Variants in SRBD1 observed in about 807,000 individuals in gnomAD.
SRBD1 encodes S1 RNA-binding domain-containing protein 1.
Under a neutral mutation model 115.3 loss-of-function variants are expected in SRBD1, and 88 were observed. The observed-to-expected ratio is 0.76, with a 90% CI of 0.64 to 0.91. SRBD1 has a LOEUF of 0.91. Ranked by LOEUF, SRBD1 falls within the 40% of genes least tolerant of loss-of-function variation. The probability of loss-of-function intolerance (pLI) is 0.00; values close to 1 mark genes in which losing one functional copy is unlikely to be tolerated. For synonymous variants in SRBD1, 509 were observed against 407.7 expected (o/e 1.25, Z -2.99); for missense variants, 1,385 against 1,177.4 (o/e 1.18, Z -2.58).
At chr2:45,477,623 C>T (rs965370339) in intron 15 of SRBD1, among the ~76,000 whole-genome samples, 1 of 152,136 alleles carries the variant, frequency 6.6e-6, no homozygotes, top group East Asian at 1.9e-4. Flanking sequence ...CATCTCAGTT[C>T]ACTGCAGCTT....
intron 1 of SRBD1, among the ~76,000 whole-genome samples, chr2:45,608,801 G>A (rs1172441992): frequency 6.6e-6 from 1 of 151,268 alleles, no homozygotes; most frequent in Non-Finnish European, 1.5e-5. Context: ...TATTTGCTAA[G>A]CCAGAACCTT....
Position 45,389,081 on chromosome 2 carries a change from A to G in SRBD1, c.*229T>C, listed in dbSNP as rs986709383. ...TTTAGTCAGAAAACTATTACTACAT[A>G]AAGCCATATAAGAATGTGTATTAGT... On this transcript the variant is annotated 3_prime_UTR_variant, in exon 21 of 21. Transcript: ENST00000263736. The G allele has an allele frequency of 1.4e-4, 70 of 509,558 alleles. No homozygotes were observed. Among genetic ancestry groups the G allele is most frequent in the Admixed American group, 3.3e-4 (9 of 27,582 alleles). 31.6% of individuals were successfully genotyped at this position (509,558 alleles called of 1,614,324 possible).
chr2:45,580,403 T>C (rs1673315602), intron 6 of SRBD1, among the ~76,000 whole-genome samples: 1 of 152,000 alleles, frequency 6.6e-6, no homozygotes, highest in Admixed American at 6.6e-5. Flanking sequence ...CTGAGTGCAG[T>C]GGCGCGATCT....
chr2:45,537,343 T>A (rs1400284173), intron 14 of SRBD1, among the ~76,000 whole-genome samples: 1 of 152,204 alleles, frequency 6.6e-6, no homozygotes, highest in African/African-American at 2.4e-5. Context: ...TACAGAATTT[T>A]TCACCAACTG....
At chr2:45,608,826 T>C (rs895306023) in intron 1 of SRBD1, among the ~76,000 whole-genome samples, 1 of 151,908 alleles carries the variant, frequency 6.6e-6, no homozygotes, top group Non-Finnish European at 1.5e-5. Flanking sequence ...AAAAAAATTT[T>C]TTTTTTTTTT....
rs1212640379 is a variant in SRBD1, at chr2:45,413,285, G to T, written c.2342C>A (p.Thr781Asn). The T allele has an allele frequency of 1.2e-6, 2 of 1,612,728 alleles. No homozygotes were observed. Among genetic ancestry groups the T allele is most frequent in the East Asian group, 2.2e-5 (1 of 44,820 alleles). The change falls in exon 19 of 21, where the codon ACT becomes AAT. Residue 781 changes from threonine to asparagine, a missense_variant. By Grantham distance (65) the Thr-to-Asn change is moderately conservative. Coordinates refer to ENST00000263736, the MANE Select transcript of SRBD1 (RefSeq NM_018079.5). ...TCCTTGAATTTGGCCTGAAGTTTCAGTTTGCTGACTATATAAAACCAGAAA... is the reference window on the plus strand; with the variant it reads ...TCCTTGAATTTGGCCTGAAGTTTCATTTTGCTGACTATATAAAACCAGAAA... ...DYIRTFCSQQ[T>N]ETSGQIQGVA... is the part of the protein sequence containing the mutation.
chr2:45,588,857 T>C (rs1673629795), intron 4 of SRBD1, among the ~76,000 whole-genome samples: 1 of 152,210 alleles, frequency 6.6e-6, no homozygotes, highest in Admixed American at 6.5e-5. Context: ...TGACCAAAAA[T>C]TTCCTGTTAC....
chr2:45,512,079 G>A (rs1670988442), intron 14 of SRBD1, among the ~76,000 whole-genome samples: 1 of 152,176 alleles, frequency 6.6e-6, no homozygotes, highest in Non-Finnish European at 1.5e-5. Context: ...CATAGTTAAT[G>A]CAATACACAT....
intron 9 of SRBD1, among the ~76,000 whole-genome samples, chr2:45,571,146 G>C (rs1672993479): frequency 6.6e-6 from 1 of 152,138 alleles, no homozygotes; most frequent in South Asian, 2.1e-4. Flanking sequence ...CAAACAGGAA[G>C]AAAAGGCTAC....
intron 3 of SRBD1, among the ~76,000 whole-genome samples, chr2:45,601,218 T>C (rs1674081236): frequency 6.6e-6 from 1 of 152,240 alleles, no homozygotes; most frequent in South Asian, 2.1e-4. Flanking sequence ...CTCAAACGAA[T>C]GGATTTATCT....
intron 7 of SRBD1, among the ~76,000 whole-genome samples, chr2:45,576,840 G>T (rs1484868479): frequency 2.0e-5 from 3 of 152,150 alleles, no homozygotes; most frequent in Non-Finnish European, 2.9e-5. Flanking sequence ...GCAGAGGACA[G>T]AAGAAATTAT....
At chr2:45,464,777 A>G (rs1389025107) in intron 16 of SRBD1, among the ~76,000 whole-genome samples, 1 of 152,200 alleles carries the variant, frequency 6.6e-6, no homozygotes, top group African/African-American at 2.4e-5. Context: ...ATGAGACAGA[A>G]TATTTTCAGG....
At chr2:45,583,120 T>C (rs1211464903) in intron 5 of SRBD1, among the ~76,000 whole-genome samples, 1 of 151,982 alleles carries the variant, frequency 6.6e-6, no homozygotes, top group Non-Finnish European at 1.5e-5. Flanking sequence ...TGCCTAATAA[T>C]GGTATTGCTA....
At position 45,476,979 on chromosome 2, in the gene SRBD1, C is replaced by A; in HGVS notation, c.2049+14G>T. Reference sequence around the variant, plus strand: ...TGATGGATTTCATAAATTAAATGATCCACATAGCTTTACCTGATACATTCC... The same window carrying A: ...TGATGGATTTCATAAATTAAATGATACACATAGCTTTACCTGATACATTCC... On this transcript the variant is annotated intron_variant, in intron 16 of 20. Coordinates refer to ENST00000263736, the MANE Select transcript of SRBD1 (RefSeq NM_018079.5). 1 of 1,611,154 alleles carries A rather than the reference C, an allele frequency of 6.2e-7. No homozygotes were observed.
chr2:45,539,369 G>T (rs1256873490), intron 14 of SRBD1, among the ~76,000 whole-genome samples: 1 of 152,008 alleles, frequency 6.6e-6, no homozygotes, highest in African/African-American at 2.4e-5. Flanking sequence ...AGAACCAGAA[G>T]AATAAAATAG....
intron 16 of SRBD1, among the ~76,000 whole-genome samples, chr2:45,467,655 G>A (rs1669530914): frequency 6.6e-6 from 1 of 152,104 alleles, no homozygotes; most frequent in Non-Finnish European, 1.5e-5. Context: ...TGTCAAAACT[G>A]TGCCTTACAA....
chr2:45,565,818 G>T (rs1331347442), intron 9 of SRBD1, among the ~76,000 whole-genome samples: 2 of 152,152 alleles, frequency 1.3e-5, no homozygotes, highest in East Asian at 3.9e-4. Flanking sequence ...AAGAGATGGG[G>T]TTTCACCATG....
chr2:45,456,227 G>A (rs895419780), intron 16 of SRBD1, among the ~76,000 whole-genome samples: 2 of 151,772 alleles, frequency 1.3e-5, no homozygotes, highest in African/African-American at 4.8e-5. Flanking sequence ...AAACAGGAAA[G>A]AATGAAACAA....
intron 15 of SRBD1, among the ~76,000 whole-genome samples, chr2:45,484,466 G>A (rs1020570105): frequency 5.3e-5 from 8 of 152,188 alleles, no homozygotes; most frequent in South Asian, 4.1e-4. Flanking sequence ...GCCCTCTATC[G>A]TAGAAACCTT....
Sources: allele counts gnomAD v4.1 joint callset (sites outside exome capture counted in the v4.1 genomes callset), GRCh38; gene constraint gnomAD v4.1.1; transcripts MANE v1.5; gene names NCBI Gene and HGNC (gene_info 2026-07-23, HGNC 2026-07-21).